Variants in EML6 observed in about 807,000 individuals in gnomAD.
EML6 encodes the protein echinoderm microtubule-associated protein-like 6.
A neutral mutation model predicts 240.1 loss-of-function variants in EML6; 154 were observed. That is an observed-to-expected ratio of 0.64 (90% CI 0.56 to 0.73). The LOEUF (loss-of-function observed/expected upper bound fraction) is 0.73, where lower values mean the gene tolerates loss of function less well. Ranked by LOEUF, EML6 falls within the 30% of genes least tolerant of loss-of-function variation. EML6 has a pLI of 0.00. For synonymous variants in EML6, 1,148 were observed against 899.0 expected, an observed-to-expected ratio of 1.28 and a Z score of -4.95; for missense variants, 2,964 against 2,474.6, an observed-to-expected ratio of 1.20 and a Z score of -4.20.
intron 26 of EML6, among the ~76,000 whole-genome samples, chr2:54,927,772 T>G (rs913541062): frequency 6.6e-6 from 1 of 152,244 alleles, no homozygotes; most frequent in Non-Finnish European, 1.5e-5. Flanking sequence ...TTGCTTTAAA[T>G]CAATGTTTGC....
intron 38 of EML6, 117 bp downstream of exon 38, chr2:54,964,850 C>G (rs888430045): frequency 2.2e-6 from 2 of 898,308 alleles, no homozygotes; most frequent in Admixed American, 5.9e-5. Context: ...CACTCTTCAC[C>G]AGAACTCCTT....
Position 54,774,008 on chromosome 2 carries a change from G to T in EML6, c.198-39224G>T, listed in dbSNP as rs765136381. Among the ~76,000 whole-genome samples, 23 of 152,170 alleles carry T rather than the reference G, an allele frequency of 1.5e-4. No individual in the cohort carries two copies. Among genetic ancestry groups the T allele is most frequent in the Non-Finnish European group, 2.9e-4 (20 of 68,024 alleles). ...TGGCTGCTCCCACTCCAGCCTTCAT[G>T]TCTGCATTCCAGCCAGCAGGAGGAG... On this transcript the variant is annotated intron_variant, in intron 2 of 41. Transcript: ENST00000356458. The surrounding 1 kb of genome is among the most constrained non-coding windows in gnomAD (Gnocchi z 4.1).
At chr2:54,731,877 T>G (rs1683187942) in intron 2 of EML6, among the ~76,000 whole-genome samples, 1 of 151,850 alleles carries the variant, frequency 6.6e-6, no homozygotes, top group Non-Finnish European at 1.5e-5. Flanking sequence ...TTTGAAGCAC[T>G]GTGAAATTGT....
At chr2:54,909,348 T>C (rs577962195) in intron 24 of EML6, among the ~76,000 whole-genome samples, 1 of 152,366 alleles carries the variant, frequency 6.6e-6, no homozygotes, top group African/African-American at 2.4e-5. Context: ...TTTTCTTTTC[T>C]CACTTACATA....
At position 54,953,976 on chromosome 2, in the gene EML6, C is replaced by T. The variant is rs1676110730; in HGVS notation, c.4313-7C>T. ...CTTACTTCTTTGTCATGCCTCTCCA[C>T]ACTCAGGGACAACACCTTCCATCCA... On this transcript the variant is annotated splice_region_variant and splice_polypyrimidine_tract_variant and intron_variant, in intron 31 of 41. Coordinates refer to ENST00000356458, the MANE Select transcript of EML6 (RefSeq NM_001039753.4). 1.3e-6 allele frequency: 2 copies of T among 1,547,224 alleles called. No individual in the cohort carries two copies. The highest frequency in any genetic ancestry group is 1.7e-6 in the Non-Finnish European group (2 of 1,143,826).
Position 54,792,428 on chromosome 2 carries a change from C to T in EML6, c.198-20804C>T, listed in dbSNP as rs370415934. ...TGATTTGGGGCTTTGAATAGGCATC[C>T]GATGCCCCTGCAATCTCACTCCTAG... On this transcript the variant is annotated intron_variant, in intron 2 of 41. Transcript: ENST00000356458. Among the ~76,000 whole-genome samples the T allele has an allele frequency of 7.2e-4, 109 of 152,268 alleles. 1 individual carries two copies. The highest frequency in any genetic ancestry group is 2.0e-3 in the African/African-American group (82 of 41,544).
intron 8 of EML6, among the ~76,000 whole-genome samples, chr2:54,846,669 A>G (rs977217904): frequency 6.6e-6 from 1 of 151,968 alleles, no homozygotes; most frequent in Non-Finnish European, 1.5e-5. Flanking sequence ...TCTTTTTTAG[A>G]GATGGAGTCT....
At chr2:54,904,963 T>C (rs1361658253) in intron 24 of EML6, among the ~76,000 whole-genome samples, 1 of 152,222 alleles carries the variant, frequency 6.6e-6, no homozygotes, top group African/African-American at 2.4e-5. Flanking sequence ...ATTTCAGCTT[T>C]ACAACATTCA....
chr2:54,853,626 A>G lies in EML6; in HGVS notation c.1445-17A>G. ...AACTTTTTATTTAAATGTAATGTTA[A>G]TATTGATTATTTTCAGCTGGGAAGC... On this transcript the variant is annotated splice_polypyrimidine_tract_variant and intron_variant, in intron 10 of 41. Transcript: ENST00000356458. 1 of 1,434,682 alleles carries G rather than the reference A, an allele frequency of 7.0e-7. No individual in the cohort carries two copies. The highest frequency in any genetic ancestry group is 9.5e-7 in the Non-Finnish European group (1 of 1,056,244). The allele number at this position is 1,434,682 out of a possible 1,614,324, so 88.9% of individuals were successfully genotyped here. A position where few individuals can be genotyped will look rare whatever the true frequency, so the allele number is the denominator to read the frequency against.
chr2:54,766,952 G>A (rs932858608), intron 2 of EML6, among the ~76,000 whole-genome samples: 5 of 152,014 alleles, frequency 3.3e-5, no homozygotes, highest in Middle Eastern at 3.4e-3. Context: ...TTTCATGATG[G>A]ATCATCTGCT....
At chr2:54,902,880 G>A (rs1194530621) in intron 22 of EML6, among the ~76,000 whole-genome samples, 164 bp from the exon 23 acceptor site, 1 of 152,196 alleles carries the variant, frequency 6.6e-6, no homozygotes, top group East Asian at 1.9e-4. Context: ...CAGACAAGAG[G>A]TGTCTTAAAT....
chr2:54,921,740 A>G (rs924775997), intron 26 of EML6, among the ~76,000 whole-genome samples: 1 of 152,150 alleles, frequency 6.6e-6, no homozygotes, highest in Admixed American at 6.5e-5. Context: ...ACATAGACCA[A>G]TGAAACAGAA....
At chr2:54,828,424 A>G (rs1010135129) in intron 6 of EML6, among the ~76,000 whole-genome samples, 23 of 152,372 alleles carry the variant, frequency 1.5e-4, no homozygotes, top group African/African-American at 5.5e-4. Context: ...AAATGGGAAG[A>G]TGATGTAAAA....
At chr2:54,834,886 C>G (rs1406804663) in intron 7 of EML6, among the ~76,000 whole-genome samples, 1 of 152,224 alleles carries the variant, frequency 6.6e-6, no homozygotes, top group Non-Finnish European at 1.5e-5. Context: ...CCATCCTCTG[C>G]ACAGCAGCTA....
At chr2:54,795,761 G>A (rs116212241) in intron 2 of EML6, among the ~76,000 whole-genome samples, 46 of 152,266 alleles carry the variant, frequency 3.0e-4, no homozygotes, top group Non-Finnish European at 6.0e-4. Context: ...GATTTCCCCC[G>A]AATTCAATAC....
intron 28 of EML6, among the ~76,000 whole-genome samples, chr2:54,929,453 G>T (rs563670982): frequency 2.0e-5 from 3 of 152,294 alleles, no homozygotes; most frequent in South Asian, 4.2e-4. Flanking sequence ...TGCTAAGAGT[G>T]GATATTGAAT....
At chr2:54,829,680 A>C (rs766893812) in intron 7 of EML6, among the ~76,000 whole-genome samples, 1 of 152,248 alleles carries the variant, frequency 6.6e-6, no homozygotes, top group Non-Finnish European at 1.5e-5. Flanking sequence ...GCAATGCTGC[A>C]GCCAAAATAA....
chr2:54,906,481 C>G (rs1031466698), intron 24 of EML6, among the ~76,000 whole-genome samples: 4 of 152,176 alleles, frequency 2.6e-5, no homozygotes, highest in Non-Finnish European at 1.5e-5. Context: ...TTTCCATAAT[C>G]TTGCCCAAGG....
intron 38 of EML6, 43 bp from the exon 39 acceptor site, chr2:54,966,957 T>G: frequency 8.3e-6 from 11 of 1,330,794 alleles, no homozygotes; most frequent in South Asian, 3.8e-5. Flanking sequence ...TCTGTGGGAC[T>G]GAGAAAGAAC....
Sources: allele counts gnomAD v4.1 joint callset (sites outside exome capture counted in the v4.1 genomes callset), GRCh38; gene constraint gnomAD v4.1.1; non-coding constraint Gnocchi (gnomAD v3.1); transcripts MANE v1.5; gene names NCBI Gene and HGNC (gene_info 2026-07-23, HGNC 2026-07-21).